Variants in UBE2H observed in about 807,000 individuals in gnomAD.
UBE2H encodes ubiquitin conjugating enzyme E2 H, also known as ubiquitin-conjugating enzyme E2 H.
UBE2H carries 3 observed loss-of-function variants against 29.0 expected under a neutral mutation model. That is an observed-to-expected ratio of 0.10 (90% CI 0.05 to 0.27). UBE2H has a LOEUF of 0.27. Ranked by LOEUF, UBE2H falls within the 10% of genes least tolerant of loss-of-function variation. The pLI is 1.00. For synonymous variants in UBE2H, 69 were observed against 82.9 expected (o/e 0.83, Z 0.91); for missense variants, 68 against 228.2 (o/e 0.30, Z 4.52).
chr7:129,882,729 A>T (rs1393583920), intron 1 of UBE2H, among the ~76,000 whole-genome samples: 1 of 152,266 alleles, frequency 6.6e-6, no homozygotes, highest in Non-Finnish European at 1.5e-5. Context: ...ACCCTCTGAC[A>T]TCCTGCAAAA....
rs540679696 is a variant in UBE2H at position 129,946,145 on chromosome 7, C to T, written c.53+6358G>A. 5.3e-5 allele frequency among the ~76,000 whole-genome samples: 8 copies of T among 151,454 alleles called. No homozygotes were observed. The East Asian group carries it at 7.8e-4, about 15-fold the overall frequency. On this transcript the variant is annotated intron_variant, in intron 1 of 6. Transcript: ENST00000355621. ...TCTGCTCACTGCAAGCTCCGCCTCC[C>T]GGGTTCACACCATTCTCCTGCCTCA...
chr7:129,862,069 C>T (rs1209829277), intron 3 of UBE2H, among the ~76,000 whole-genome samples: 25 of 152,048 alleles, frequency 1.6e-4, no homozygotes. Flanking sequence ...ATCAGAGGAA[C>T]CTCAGGTTAT....
chr7:129,952,359 A>C, intron 1 of UBE2H, 144 bp downstream of exon 1: 1 of 989,480 alleles, frequency 1.0e-6, no homozygotes, highest in Non-Finnish European at 1.4e-6. Context: ...GGTGCCAAGG[A>C]GCCGCCGTAG....
intron 1 of UBE2H, among the ~76,000 whole-genome samples, chr7:129,895,137 C>G (rs1806574245): frequency 6.6e-6 from 1 of 152,146 alleles, no homozygotes; most frequent in African/African-American, 2.4e-5. Flanking sequence ...AAAAATCTTT[C>G]CTGGTTAACT....
At chr7:129,855,042 G>A (rs1027378808) in intron 5 of UBE2H, among the ~76,000 whole-genome samples, 9 of 152,120 alleles carry the variant, frequency 5.9e-5, no homozygotes, top group African/African-American at 2.2e-4. Context: ...TAGTTAAAGG[G>A]TACACATTTA....
chr7:129,865,185 C>T (rs1805879734), intron 3 of UBE2H: 1 of 329,462 alleles, frequency 3.0e-6, no homozygotes, highest in East Asian at 7.7e-5. Flanking sequence ...CTCCAATACT[C>T]AACTGCTCTA....
chr7:129,939,815 C>T (rs1449795523), intron 1 of UBE2H, among the ~76,000 whole-genome samples: 5 of 151,856 alleles, frequency 3.3e-5, no homozygotes, highest in African/African-American at 4.8e-5. Flanking sequence ...AAAAATTAGC[C>T]GGGCATGGTG....
chr7:129,887,844 T>C (rs574141816), intron 1 of UBE2H, among the ~76,000 whole-genome samples: 3 of 151,938 alleles, frequency 2.0e-5, no homozygotes, highest in South Asian at 4.2e-4. Context: ...GATCACACCA[T>C]TGCACTCCAG....
At position 129,875,932 on chromosome 7, in the gene UBE2H, A is replaced by G. The variant is rs77170538; in HGVS notation, c.205+3636T>C. 5.2e-3 allele frequency among the ~76,000 whole-genome samples: 792 copies of G among 152,312 alleles called. 7 individuals carry two copies. The highest frequency in any genetic ancestry group is 0.024 in the East Asian group (122 of 5,188). ...CTTGGGGTTCTGAATGAGTATCTCT[A>G]AAGTCCTCATGCACACCTCAACAAC... On this transcript the variant is annotated intron_variant, in intron 3 of 6. Transcript: ENST00000355621.
intron 5 of UBE2H, among the ~76,000 whole-genome samples, chr7:129,850,037 T>C (rs1805581543): frequency 6.6e-6 from 1 of 152,046 alleles, no homozygotes; most frequent in Non-Finnish European, 1.5e-5. Flanking sequence ...AGTGGGATGC[T>C]TAAAAAACAC....
intron 3 of UBE2H, among the ~76,000 whole-genome samples, chr7:129,862,689 T>G (rs1805824827): frequency 6.6e-6 from 1 of 152,148 alleles, no homozygotes; most frequent in Non-Finnish European, 1.5e-5. Flanking sequence ...TGCCTGATGC[T>G]CTGAAGTTTT....
chr7:129,924,284 T>C (rs1807220412), intron 1 of UBE2H, among the ~76,000 whole-genome samples: 1 of 152,204 alleles, frequency 6.6e-6, no homozygotes, highest in African/African-American at 2.4e-5. Context: ...AATGAAAGGA[T>C]AACAACACAT....
intron 5 of UBE2H, among the ~76,000 whole-genome samples, chr7:129,851,040 T>C (rs1374106481): frequency 5.9e-5 from 9 of 152,144 alleles, no homozygotes; most frequent in East Asian, 1.9e-4. Flanking sequence ...TTACAGGACA[T>C]AGACTGTTTT....
At chr7:129,932,944 TG>T (rs1229805739) in intron 1 of UBE2H, among the ~76,000 whole-genome samples, 8 of 152,192 alleles carry the variant, frequency 5.3e-5, no homozygotes, top group Admixed American at 5.2e-4. Context: ...AGACATCACC[TG>T]TGCCAGAACC....
intron 5 of UBE2H, among the ~76,000 whole-genome samples, chr7:129,846,452 G>A (rs117506293): frequency 1.7e-3 from 260 of 152,162 alleles, no homozygotes; most frequent in Admixed American, 4.6e-3. Flanking sequence ...AGTAGTTGCC[G>A]AGGTGAGAGG....
chr7:129,916,254 A>G (rs564034307), intron 1 of UBE2H, among the ~76,000 whole-genome samples: 4 of 152,316 alleles, frequency 2.6e-5, no homozygotes, highest in Admixed American at 2.6e-4. Flanking sequence ...GATCCGATTC[A>G]AGGGGTATCT....
At chr7:129,931,352 C>T (rs1807391552) in intron 1 of UBE2H, among the ~76,000 whole-genome samples, 1 of 151,996 alleles carries the variant, frequency 6.6e-6, no homozygotes, top group South Asian at 2.1e-4. Context: ...CACGCCATGG[C>T]ACTCCAGCCT....
chr7:129,940,941 T>TA (rs1157814685), intron 1 of UBE2H, among the ~76,000 whole-genome samples: 2 of 152,186 alleles, frequency 1.3e-5, no homozygotes, highest in African/African-American at 2.4e-5. Context: ...CACTTCAGCA[T>TA]AGAAAATAAC....
At chr7:129,864,752 C>T (rs1805868674) in intron 3 of UBE2H, among the ~76,000 whole-genome samples, 1 of 151,978 alleles carries the variant, frequency 6.6e-6, no homozygotes, top group African/African-American at 2.4e-5. Flanking sequence ...TGGGGTTTCA[C>T]CATGTTAGCC....
Sources: gnomAD v4.1 joint callset for allele counts (sites outside exome capture counted in the v4.1 genomes callset) on GRCh38, gnomAD v4.1.1 for gene constraint, MANE v1.5 for transcripts, NCBI Gene and HGNC (gene_info 2026-07-23, HGNC 2026-07-21) for gene names.